FGL1: variants seen among roughly 807,000 people sequenced by gnomAD.
FGL1 encodes fibrinogen like 1, also known as fibrinogen-like protein 1.
In FGL1, 59 loss-of-function variants were observed where a neutral mutation model predicts 43.7. That is an observed-to-expected ratio of 1.35 (90% CI 1.10 to 1.68). The LOEUF is 1.68. Ranked by LOEUF, FGL1 falls within the 40% of genes most tolerant of loss-of-function variation. The probability of loss-of-function intolerance (pLI) is 0.00; values close to 1 mark genes in which losing one functional copy is unlikely to be tolerated. For missense variants in FGL1, 596 were observed against 373.0 expected, an observed-to-expected ratio of 1.60 and a Z score of -4.92; for synonymous variants, 192 against 126.5, an observed-to-expected ratio of 1.52 and a Z score of -3.48.
At chr8:17,883,116 T>A (rs1434897679) in intron 2 of FGL1, among the ~76,000 whole-genome samples, 3 of 48,320 alleles carry the variant, frequency 6.2e-5, no homozygotes, top group Non-Finnish European at 9.9e-5. Context: ...ATAATATATA[T>A]CATATATAAT....
Position 17,895,500 on chromosome 8 carries a change from C to G in FGL1, c.-71G>C. 1.6e-6 allele frequency: 2 copies of G among 1,286,642 alleles called. No homozygotes were observed. The highest frequency in any genetic ancestry group is 2.0e-6 in the Non-Finnish European group (2 of 986,294). The allele number at this position is 1,286,642 out of a possible 1,614,324, so 79.7% of individuals were successfully genotyped here. Reference sequence around the variant, plus strand: ...GCTCAGGTTCCATCCAGACACTCTGCTTCCCAGGATCCTGTAACTGCATTG... The same window carrying G: ...GCTCAGGTTCCATCCAGACACTCTGGTTCCCAGGATCCTGTAACTGCATTG... On this transcript the variant is annotated 5_prime_UTR_variant, in exon 1 of 8. Coordinates refer to ENST00000427924, the MANE Select transcript of FGL1 (RefSeq NM_004467.4).
At chr8:17,882,716 A>T (rs1184823038) in intron 2 of FGL1, 1 of 139,878 alleles carries the variant, frequency 7.1e-6, no homozygotes, top group Non-Finnish European at 1.5e-5. Flanking sequence ...TATATATTAT[A>T]TATATTATAT....
chr8:17,895,471 C>T lies in FGL1; in HGVS notation c.-42G>A, dbSNP rs1432366124. The T allele has an allele frequency of 1.6e-6, 2 of 1,283,174 alleles. No individual in the cohort carries two copies. Among genetic ancestry groups the T allele is most frequent in the East Asian group, 1.1e-4 (2 of 17,948 alleles). The allele number at this position is 1,283,174 out of a possible 1,614,324, so 79.5% of individuals were successfully genotyped here. ...CCTAAAGTCAGAAGTGAGTCAGAGA[C>T]CCAGCTCAGGTTCCATCCAGACACT... On this transcript the variant is annotated 5_prime_UTR_variant, in exon 1 of 8. Coordinates refer to ENST00000427924, the MANE Select transcript of FGL1 (RefSeq NM_004467.4).
At chr8:17,870,732 C>T (rs1345100723) in intron 5 of FGL1, among the ~76,000 whole-genome samples, 1 of 151,970 alleles carries the variant, frequency 6.6e-6, no homozygotes, top group Non-Finnish European at 1.5e-5. Context: ...ATGGTGAAAC[C>T]CTGTCTCTAT....
intron 3 of FGL1, among the ~76,000 whole-genome samples, chr8:17,877,922 T>C (rs77816564): frequency 0.031 from 4,751 of 152,280 alleles, 238 homozygotes; most frequent in African/African-American, 0.11. Context: ...CACTGAGTAC[T>C]TCTTTTGCTC....
chr8:17,872,946 A>G (rs2053387287), intron 5 of FGL1, among the ~76,000 whole-genome samples: 1 of 152,226 alleles, frequency 6.6e-6, no homozygotes. Flanking sequence ...ATAGATACGT[A>G]ACAAAAACAA....
intron 3 of FGL1, among the ~76,000 whole-genome samples, chr8:17,876,423 T>TCCTG (rs2053457211): frequency 6.6e-6 from 1 of 152,182 alleles, no homozygotes; most frequent in African/African-American, 2.4e-5. Flanking sequence ...AACCATATAC[T>TCCTG]CCTGCTTTGG....
At chr8:17,888,135 G>T (rs952321292) in intron 1 of FGL1, among the ~76,000 whole-genome samples, 3 of 151,736 alleles carry the variant, frequency 2.0e-5, no homozygotes, top group African/African-American at 7.3e-5. Context: ...TAAAATATTT[G>T]CTTATGTTAA....
chr8:17,882,624 G>A (rs972641547), intron 2 of FGL1: 6 of 140,154 alleles, frequency 4.3e-5, no homozygotes, highest in African/African-American at 1.8e-4. Context: ...TGTACTGTTG[G>A]CATGTAAATC....
chr8:17,884,789 G>A (rs1014471277), intron 2 of FGL1, among the ~76,000 whole-genome samples: 9 of 152,064 alleles, frequency 5.9e-5, no homozygotes, highest in Non-Finnish European at 1.2e-4. Flanking sequence ...TTAAAACCTA[G>A]GAGTTTTCTT....
chr8:17,887,440 TC>T (rs1247229138), intron 1 of FGL1, among the ~76,000 whole-genome samples: 1 of 152,230 alleles, frequency 6.6e-6, no homozygotes, highest in Non-Finnish European at 1.5e-5. Context: ...TCATTCTCTG[TC>T]CACATCAAAT....
rs1267396977 is a variant in FGL1 at position 17,876,784 on chromosome 8, A to G, written c.245-2263T>C. 2.0e-5 allele frequency among the ~76,000 whole-genome samples: 3 copies of G among 152,310 alleles called. No individual in the cohort carries two copies. The East Asian group carries it at 5.8e-4, about 29-fold the overall frequency. On this transcript the variant is annotated intron_variant, in intron 3 of 7. Transcript: ENST00000427924. ...GGCAAATATGGAAGTGATTAGCTAT[A>G]ACATTTGCCTCTGGAAAACTTAGTG... is the stretch of plus-strand genomic sequence containing the variant.
intron 1 of FGL1, among the ~76,000 whole-genome samples, chr8:17,887,136 T>C (rs555600656): frequency 1.6e-4 from 25 of 151,704 alleles, no homozygotes; most frequent in Non-Finnish European, 2.2e-4. Flanking sequence ...CCAGGCTTCT[T>C]CTCTTGCAGC....
At chr8:17,880,097 C>T (rs767021668) in intron 3 of FGL1, among the ~76,000 whole-genome samples, 2 of 152,158 alleles carry the variant, frequency 1.3e-5, no homozygotes, top group Non-Finnish European at 2.9e-5. Flanking sequence ...CCGAACTGTC[C>T]CTGGTTCCTC....
intron 3 of FGL1, among the ~76,000 whole-genome samples, chr8:17,878,505 G>A (rs1419424733): frequency 6.6e-6 from 1 of 152,170 alleles, no homozygotes; most frequent in Non-Finnish European, 1.5e-5. Context: ...GCTGGAGCCA[G>A]TGGTGTTGTC....
intron 5 of FGL1, among the ~76,000 whole-genome samples, chr8:17,869,543 T>C (rs1404544509): frequency 6.6e-6 from 1 of 152,184 alleles, no homozygotes; most frequent in African/African-American, 2.4e-5. Context: ...TTAAGAATAA[T>C]TTGAGGAAGA....
intron 3 of FGL1, among the ~76,000 whole-genome samples, chr8:17,877,405 G>C (rs897321255): frequency 6.6e-6 from 1 of 152,202 alleles, no homozygotes; most frequent in Non-Finnish European, 1.5e-5. Flanking sequence ...AGCTCATAAA[G>C]TGACATGACA....
In FGL1 at chr8:17,885,499, T is replaced by A. The variant is rs201530014; in HGVS notation, c.56A>T (p.Glu19Val). 6.8e-6 allele frequency: 11 copies of A among 1,612,368 alleles called. No individual in the cohort carries two copies. Among genetic ancestry groups the A allele is most frequent in the Non-Finnish European group, 9.3e-6 (11 of 1,178,910 alleles). ...LVTTALTMGR[E>V]ISALEDCAQE... ...TTTTCCCAAGAAGCTTACCGAAATT[T>A]CCCTGCCCATTGTCAGAGCGGTGGT... The change falls in exon 2 of 8, where the codon GAA becomes GTA. Residue 19 changes from glutamate to valine, a missense_variant. Glu to Val is a moderately radical substitution (Grantham distance 121). Transcript: ENST00000427924.
chr8:17,875,539 T>TTCTTTCTCTCTCTCTCTCTCTCTCTC (rs2053438550), intron 3 of FGL1, among the ~76,000 whole-genome samples: 3 of 14,656 alleles, frequency 2.0e-4, no homozygotes, highest in African/African-American at 5.9e-4. Context: ...TTCTTTCTCT[T>TTCTTTCTCTCTCTCTCTCTCTCTCTC]TCTTTCTTTC....
Sources: gnomAD v4.1 joint callset for allele counts (sites outside exome capture counted in the v4.1 genomes callset) on GRCh38, gnomAD v4.1.1 for gene constraint, MANE v1.5 for transcripts, NCBI Gene and HGNC (gene_info 2026-07-23, HGNC 2026-07-21) for gene names.